Variants in UNC79 observed in about 807,000 individuals in gnomAD.
UNC79 encodes the protein protein unc-79 homolog.
Under a neutral mutation model 283.1 loss-of-function variants are expected in UNC79, and 37 were observed. The ratio of observed to expected loss-of-function variants is 0.13; its 90% confidence interval spans 0.10 to 0.17. The LOEUF is 0.17. UNC79 is among the 10% of genes least tolerant of loss of function. UNC79 has a pLI of 1.00. For synonymous variants in UNC79, 1,107 were observed against 1,200.2 expected (o/e 0.92, Z 1.61); for missense variants, 2,272 against 3,211.1 (o/e 0.71, Z 7.07).
intron 27 of UNC79, among the ~76,000 whole-genome samples, chr14:93,614,012 T>C (rs1247529096): frequency 1.3e-5 from 2 of 150,856 alleles, no homozygotes; most frequent in African/African-American, 2.4e-5. Flanking sequence ...TCTATTAAAA[T>C]TGCCATTTTA....
At chr14:93,515,815 T>C (rs2060027041) in intron 7 of UNC79, among the ~76,000 whole-genome samples, 1 of 152,136 alleles carries the variant, frequency 6.6e-6, no homozygotes, top group Non-Finnish European at 1.5e-5. Flanking sequence ...TGCTCTCTCA[T>C]TCAGGGGCTT....
At chr14:93,364,643 A>G (rs146374759) in intron 1 of UNC79, among the ~76,000 whole-genome samples, 1 of 98,128 alleles carries the variant, frequency 1.0e-5, no homozygotes, top group Non-Finnish European at 2.3e-5. Context: ...GCTATTTAGC[A>G]TGTCAAACCC....
intron 31 of UNC79, among the ~76,000 whole-genome samples, chr14:93,635,558 T>C (rs1409564039): frequency 6.6e-6 from 1 of 152,210 alleles, no homozygotes; most frequent in Non-Finnish European, 1.5e-5. Flanking sequence ...AAGCAAAATA[T>C]TGAGATACTT....
At chr14:93,375,122 G>A (rs2054528385) in intron 1 of UNC79, among the ~76,000 whole-genome samples, 1 of 152,194 alleles carries the variant, frequency 6.6e-6, no homozygotes, top group Non-Finnish European at 1.5e-5. Context: ...TTGAGGCTGG[G>A]TGCAGTGGCT....
intron 1 of UNC79, among the ~76,000 whole-genome samples, chr14:93,370,140 G>A (rs1182721918): frequency 6.6e-6 from 1 of 151,998 alleles, no homozygotes; most frequent in Non-Finnish European, 1.5e-5. Context: ...CCTGGCACAC[G>A]ATATCCGGCT....
intron 1 of UNC79, chr14:93,466,968 C>T (rs2057213292): frequency 5.3e-6 from 5 of 946,170 alleles, no homozygotes; most frequent in Non-Finnish European, 6.3e-6. Flanking sequence ...GGCAGCCAAG[C>T]TCAGAAAGCT....
chr14:93,579,331 G>C (rs1251768358), intron 18 of UNC79, among the ~76,000 whole-genome samples: 1 of 152,142 alleles, frequency 6.6e-6, no homozygotes, highest in Non-Finnish European at 1.5e-5. Flanking sequence ...TGGATTTCCT[G>C]TTTATGATCA....
chr14:93,694,463 A>G (rs2074945810), intron 47 of UNC79, 51 bp downstream of exon 50: 2 of 1,493,120 alleles, frequency 1.3e-6, no homozygotes, highest in East Asian at 2.3e-5. Flanking sequence ...CTAAAAACAA[A>G]TGTGGATTTA....
At chr14:93,504,861 C>T (rs1432931878) in intron 7 of UNC79, among the ~76,000 whole-genome samples, 3 of 152,010 alleles carry the variant, frequency 2.0e-5, no homozygotes, top group African/African-American at 7.2e-5. Context: ...TGCCTTATTG[C>T]AGTGACTTAA....
chr14:93,592,205 C>T (rs1268263017), intron 22 of UNC79, among the ~76,000 whole-genome samples: 4 of 129,078 alleles, frequency 3.1e-5, no homozygotes, highest in Non-Finnish European at 6.2e-5. Context: ...GACTGAGTCT[C>T]GCTCTGTCGC....
chr14:93,380,611 T>C (rs1023435871), intron 1 of UNC79, among the ~76,000 whole-genome samples: 1 of 152,224 alleles, frequency 6.6e-6, no homozygotes, highest in Non-Finnish European at 1.5e-5. Flanking sequence ...TTTGTTTGTG[T>C]GCATCCCCTG....
chr14:93,365,333 C>T (rs1298357408), intron 1 of UNC79, among the ~76,000 whole-genome samples: 4 of 139,314 alleles, frequency 2.9e-5, no homozygotes, highest in African/African-American at 5.3e-5. Flanking sequence ...TGGCGTGAGC[C>T]GAGATTGTGC....
At chr14:93,611,045 T>C (rs753385192) in intron 26 of UNC79, among the ~76,000 whole-genome samples, 16 of 152,236 alleles carry the variant, frequency 1.1e-4, no homozygotes, top group Non-Finnish European at 2.4e-4. Flanking sequence ...TTCACCTTTC[T>C]AGCCTCTCAT....
chr14:93,676,515 G>A (rs1220486787), intron 41 of UNC79, among the ~76,000 whole-genome samples: 2 of 152,208 alleles, frequency 1.3e-5, no homozygotes, highest in Admixed American at 1.3e-4. Context: ...AGTTGGAGAT[G>A]TGCCACCTGA....
intron 7 of UNC79, among the ~76,000 whole-genome samples, chr14:93,510,005 C>A (rs2059743204): frequency 6.6e-6 from 1 of 152,226 alleles, no homozygotes; most frequent in Non-Finnish European, 1.5e-5. Context: ...GGCACCGGCT[C>A]CCAAGCCTCA....
intron 4 of UNC79, among the ~76,000 whole-genome samples, chr14:93,483,477 C>T (rs895065080): frequency 2.0e-5 from 3 of 150,022 alleles, no homozygotes; most frequent in Non-Finnish European, 4.4e-5. Flanking sequence ...TCAGGTAACA[C>T]AGCTCTAGCA....
chr14:93,604,830 A>G, intron 26 of UNC79, 66 bp from the exon 27 acceptor site: 2 of 1,457,924 alleles, frequency 1.4e-6, no homozygotes, highest in Non-Finnish European at 1.8e-6. Context: ...GTTAGCACTG[A>G]GTATATTTTC....
intron 8 of UNC79, among the ~76,000 whole-genome samples, chr14:93,524,758 A>G (rs1363702845): frequency 1.3e-5 from 2 of 152,246 alleles, no homozygotes; most frequent in Admixed American, 1.3e-4. Flanking sequence ...TGGATATAAA[A>G]TATTTGGCTG....
upstream of UNC79, among the ~76,000 whole-genome samples, chr14:93,426,475 C>A (rs967584641): frequency 1.3e-5 from 2 of 150,800 alleles, no homozygotes; most frequent in Non-Finnish European, 3.0e-5. Context: ...TTTTTATCCT[C>A]TTCTTCTGTG....
Sources: gnomAD v4.1 joint callset for allele counts (sites outside exome capture counted in the v4.1 genomes callset) on GRCh38, gnomAD v4.1.1 for gene constraint, MANE v1.5 for transcripts, NCBI Gene and HGNC (gene_info 2026-07-23, HGNC 2026-07-21) for gene names.